The following PCDHGA7 variants were observed in gnomAD, a reference collection of about 807,000 sequenced individuals.
PCDHGA7 encodes protocadherin gamma subfamily A, 7.
A neutral mutation model predicts 58.3 loss-of-function variants in PCDHGA7; 44 were observed. The observed-to-expected ratio is 0.75, with a 90% CI of 0.59 to 0.97. PCDHGA7 has a LOEUF of 0.97. Among genes scored for constraint, PCDHGA7 ranks in the 50% least tolerant of loss-of-function variants. The probability of loss-of-function intolerance (pLI) is 0.00; values close to 1 mark genes in which losing one functional copy is unlikely to be tolerated. For synonymous variants in PCDHGA7, 516 were observed against 504.2 expected (o/e 1.02, Z -0.31); for missense variants, 1,266 against 1,188.7 (o/e 1.06, Z -0.96).
chr5:141,465,778 A>G (rs544366126), intron 1 of PCDHGA7, among the ~76,000 whole-genome samples: 1 of 148,538 alleles, frequency 6.7e-6, no homozygotes, highest in East Asian at 1.9e-4. Context: ...CTCTTGTTAC[A>G]GTTTTTTTTT....
chr5:141,437,116 GA>G (rs914218907), intron 1 of PCDHGA7, among the ~76,000 whole-genome samples: 4 of 152,150 alleles, frequency 2.6e-5, no homozygotes, highest in African/African-American at 9.7e-5. Flanking sequence ...GGATTTTTAG[GA>G]CACTTGTTGA....
intron 1 of PCDHGA7, chr5:141,400,772 G>T: frequency 1.8e-6 from 1 of 570,264 alleles, no homozygotes. Context: ...AAAACATTTG[G>T]TGCGTTTTTT....
chr5:141,485,666 A>G lies in PCDHGA7; in HGVS notation c.2425-9141A>G. ...GGCTCAGGATGCAGATGTGGGGAGC[A>G]ATTCGATTAGCAGCTATAGGCTGAG... On this transcript the variant is annotated intron_variant, in intron 1 of 3. Coordinates refer to ENST00000518325, the MANE Select transcript of PCDHGA7 (RefSeq NM_018920.4). The surrounding 1 kb of genome is among the most constrained non-coding windows in gnomAD (Gnocchi z 5.7). 1 of 1,612,786 alleles carries G rather than the reference A, an allele frequency of 6.2e-7. No homozygotes were observed. Among genetic ancestry groups the G allele is most frequent in the Non-Finnish European group, 8.5e-7 (1 of 1,178,960 alleles).
At chr5:141,436,214 A>G (rs1242199916) in intron 1 of PCDHGA7, among the ~76,000 whole-genome samples, 5 of 152,160 alleles carry the variant, frequency 3.3e-5, no homozygotes, top group African/African-American at 7.2e-5. Context: ...AGGAAAACAA[A>G]TGACTTGGGA....
intron 1 of PCDHGA7, chr5:141,405,167 C>T (rs926303279): frequency 7.4e-6 from 12 of 1,614,002 alleles, no homozygotes; most frequent in African/African-American, 1.3e-5. Flanking sequence ...GCCCACCTCA[C>T]ACTTTGTGGG....
intron 1 of PCDHGA7, chr5:141,390,019 G>T (rs1047341984): frequency 1.9e-6 from 3 of 1,614,002 alleles, no homozygotes; most frequent in Non-Finnish European, 2.5e-6. Flanking sequence ...ATTGCCTTGC[G>T]CCTGCGACGC....
intron 1 of PCDHGA7, chr5:141,410,195 G>T (rs769655902): frequency 1.2e-6 from 2 of 1,613,966 alleles, no homozygotes; most frequent in East Asian, 4.5e-5. Context: ...TCTGGTCTTC[G>T]CAGACAACTT....
intron 1 of PCDHGA7, chr5:141,410,503 A>G: frequency 6.2e-7 from 1 of 1,613,958 alleles, no homozygotes; most frequent in Non-Finnish European, 8.5e-7. Context: ...TTAATTTCCT[A>G]AAATGCAGTG....
At chr5:141,418,248 C>G (rs372067603) in intron 1 of PCDHGA7, 1 of 1,614,000 alleles carries the variant, frequency 6.2e-7, no homozygotes, top group Admixed American at 1.7e-5. Context: ...AATGACCACG[C>G]CCCTCAATTC....
rs1229813206 is a variant in PCDHGA7 at position 141,383,943 on chromosome 5, T to C, written c.1044T>C (p.Thr348=). The change falls in exon 1 of 4, where the codon ACT becomes ACC. Residue 348 remains threonine, a synonymous_variant. Coordinates refer to ENST00000518325, the MANE Select transcript of PCDHGA7 (RefSeq NM_018920.4). ...TAAATGATAATGCTCCAGAAGTGAC[T>C]ATGACGTCTTTAAGTAGCTCAATCC... ...LDVNDNAPEV[T]MTSLSSSIPE... The C allele has an allele frequency of 6.2e-7, 1 of 1,613,674 alleles. No individual in the cohort carries two copies. The highest frequency in any genetic ancestry group is 1.7e-5 in the Admixed American group (1 of 60,002).
chr5:141,457,944 C>A (rs761151349), intron 1 of PCDHGA7, among the ~76,000 whole-genome samples: 33 of 152,310 alleles, frequency 2.2e-4, no homozygotes, highest in Non-Finnish European at 4.6e-4. Context: ...ATTGGCTCTG[C>A]ATGTCAAGCT....
rs1284375260 is a variant in PCDHGA7, at chr5:141,383,861, C to A, written c.962C>A (p.Ala321Asp). The change falls in exon 1 of 4, where the codon GCT (alanine) becomes GAT (aspartate). Residue 321 changes from alanine to aspartate, a missense_variant. Transcript: ENST00000518325. ...ETAFYEMEVQ[A>D]QDGPGSLTKA... ...GCCTTCTATGAAATGGAGGTTCAGG[C>A]TCAAGATGGTCCTGGTAGTCTGACA... 6.2e-7 allele frequency: 1 copy of A among 1,613,936 alleles called. No homozygotes were observed. Among genetic ancestry groups the A allele is most frequent in the East Asian group, 2.2e-5 (1 of 44,880 alleles).
chr5:141,397,177 A>G (rs1453004001), intron 1 of PCDHGA7, among the ~76,000 whole-genome samples: 1 of 152,250 alleles, frequency 6.6e-6, no homozygotes, highest in Non-Finnish European at 1.5e-5. Flanking sequence ...CTTAAGAATG[A>G]ATTTATGTAC....
chr5:141,414,642 C>A (rs547014431), intron 1 of PCDHGA7: 1 of 1,613,962 alleles, frequency 6.2e-7, no homozygotes, highest in Admixed American at 1.7e-5. Context: ...AAGAGAATGC[C>A]CAGATTATTT....
At position 141,382,959 on chromosome 5, in the gene PCDHGA7, G is replaced by A. The variant is rs994078805; in HGVS notation, c.60G>A (p.Leu20=). Residue 20 remains leucine (L), a synonymous_variant, in exon 1 of 4, where the codon CTG becomes CTA. Coordinates refer to ENST00000518325, the MANE Select transcript of PCDHGA7 (RefSeq NM_018920.4). The part of the protein sequence containing the change: ...YRGFFLLSIL[L]GTPWEAWAGR... ...GATTCTTCCTGCTCTCCATCCTCCT[G>A]GGGACCCCCTGGGAAGCCTGGGCAG... 3 of 1,607,324 alleles carry A rather than the reference G, an allele frequency of 1.9e-6. No homozygotes were observed. The highest frequency in any genetic ancestry group is 1.3e-5 in the African/African-American group (1 of 74,790).
Position 141,485,795 on chromosome 5 carries a change from T to G in PCDHGA7, c.2425-9012T>G, listed in dbSNP as rs1225630684. On this transcript the variant is annotated intron_variant, in intron 1 of 3. Coordinates refer to ENST00000518325, the MANE Select transcript of PCDHGA7 (RefSeq NM_018920.4). The surrounding 1 kb of genome is among the most constrained non-coding windows in gnomAD (Gnocchi z 5.7). ...TTTGGATCGAGAGAAGCAATCGGAC[T>G]ACCGCCTGGTGCTGACTGCTGTCGA... 16 of 1,614,092 alleles carry G rather than the reference T, an allele frequency of 9.9e-6. No individual in the cohort carries two copies. The highest frequency in any genetic ancestry group is 1.1e-5 in the Non-Finnish European group (13 of 1,180,046).
chr5:141,432,088 AGACACCAAC>A lies in PCDHGA7; in HGVS notation c.2424+46770_2424+46778del, dbSNP rs1561857611. 6.2e-7 allele frequency: 1 copy of A among 1,614,148 alleles called. No individual in the cohort carries two copies. Among genetic ancestry groups the A allele is most frequent in the Admixed American group, 1.7e-5 (1 of 60,024 alleles). ...AAACTCATATCTCGCTGAACGTGGC[AGACACCAAC>A]GACAACCCGCCGGTCTTCCCTCAGG... is the stretch of plus-strand genomic sequence containing the variant. On this transcript the variant is annotated intron_variant, in intron 1 of 3. Transcript: ENST00000518325. This position sits in a 1 kb window ranked among gnomAD's most constrained non-coding sequence, Gnocchi z 6.0.
intron 1 of PCDHGA7, among the ~76,000 whole-genome samples, chr5:141,439,557 A>C (rs766239185): frequency 1.2e-4 from 19 of 152,178 alleles, no homozygotes; most frequent in Non-Finnish European, 2.2e-4. Context: ...TTCAGGCTGC[A>C]GTTCTAGAGT....
intron 1 of PCDHGA7, chr5:141,413,476 G>A: frequency 6.2e-7 from 1 of 1,614,122 alleles, no homozygotes; most frequent in Non-Finnish European, 8.5e-7. Context: ...GGAGCTCTGC[G>A]CTCAGAGCGC....
Sources: gnomAD v4.1 joint callset for allele counts (sites outside exome capture counted in the v4.1 genomes callset) on GRCh38, gnomAD v4.1.1 for gene constraint, Gnocchi (gnomAD v3.1) non-coding constraint, MANE v1.5 for transcripts, NCBI Gene and HGNC (gene_info 2026-07-23, HGNC 2026-07-21) for gene names.